NFASC: variants seen among roughly 807,000 people sequenced by gnomAD.
NFASC encodes neurofascin homolog.
NFASC carries 43 observed loss-of-function variants against 147.5 expected under a neutral mutation model. The observed-to-expected ratio is 0.29, with a 90% CI of 0.23 to 0.38. The LOEUF is 0.38. Among genes scored for constraint, NFASC ranks in the 10% least tolerant of loss-of-function variants. NFASC has a pLI of 1.00. For synonymous variants in NFASC, 622 were observed against 665.5 expected (o/e 0.93, Z 1.01); for missense variants, 1,320 against 1,689.0 (o/e 0.78, Z 3.83).
At chr1:204,946,687 G>A (rs772559154) in intron 3 of NFASC, 19 of 517,650 alleles carry the variant, frequency 3.7e-5, no homozygotes, top group South Asian at 1.8e-4. Context: ...CATGTACGGC[G>A]AGGGCATTGG....
chr1:204,859,841 G>A (rs1288160410), intron 1 of NFASC, among the ~76,000 whole-genome samples: 1 of 152,154 alleles, frequency 6.6e-6, no homozygotes, highest in Non-Finnish European at 1.5e-5. Context: ...AAATCCTCAT[G>A]CACAAAGATT....
In NFASC at chr1:205,019,782, T is replaced by G. The variant is rs983623498; in HGVS notation, c.*3243T>G. ...CACGGTGTGGCTTGAGAAACAGTCC[T>G]GCTTCCTGAGCCTCTTTGCTCTGCC... On this transcript the variant is annotated 3_prime_UTR_variant, in exon 30 of 30. Transcript: ENST00000339876. 4 of 152,392 alleles carry G rather than the reference T, an allele frequency of 2.6e-5. No individual in the cohort carries two copies. In the South Asian group the frequency reaches 8.3e-4, roughly 32 times the overall value. The allele number at this position is 152,392 out of a possible 1,614,324, so 9.4% of individuals were successfully genotyped here.
At chr1:204,919,153 T>C (rs768403882) in intron 1 of NFASC, among the ~76,000 whole-genome samples, 4 of 151,902 alleles carry the variant, frequency 2.6e-5, no homozygotes, top group Non-Finnish European at 5.9e-5. Context: ...GCCTCCCAAG[T>C]AGCTGGGATT....
In NFASC at chr1:204,954,999, G is replaced by A. The variant is rs1446446554; in HGVS notation, c.535+48G>A. 1.9e-6 allele frequency: 3 copies of A among 1,600,748 alleles called. No homozygotes were observed. The highest frequency in any genetic ancestry group is 2.2e-5 in the South Asian group (2 of 90,496). On this transcript the variant is annotated intron_variant, in intron 7 of 29. Transcript: ENST00000339876. This position sits in a 1 kb window ranked among gnomAD's most constrained non-coding sequence, Gnocchi z 5.7. ...TGTGTTTATATCTTAACCTTAGGGG[G>A]TGGGGTGGGTGTGTTAAGTGGGGAG...
intron 3 of NFASC, among the ~76,000 whole-genome samples, chr1:204,947,532 G>A (rs1018877715): frequency 2.0e-5 from 3 of 152,188 alleles, no homozygotes; most frequent in Non-Finnish European, 2.9e-5. Context: ...GCCCCAGACC[G>A]CTGCACAATC....
At chr1:204,892,962 G>T (rs1021304885) in intron 1 of NFASC, among the ~76,000 whole-genome samples, 21 of 152,184 alleles carry the variant, frequency 1.4e-4, no homozygotes, top group African/African-American at 5.1e-4. Flanking sequence ...CATGTGTCTT[G>T]CAGAAACTCA....
chr1:204,991,352 C>T (rs1202401738), intron 24 of NFASC, 46 bp downstream of exon 24: 2 of 1,601,070 alleles, frequency 1.2e-6, no homozygotes, highest in South Asian at 2.2e-5. Context: ...TGGGGCAGCG[C>T]AGGCGGAGCC....
chr1:204,873,905 A>G (rs1264025179), intron 1 of NFASC, among the ~76,000 whole-genome samples: 1 of 152,128 alleles, frequency 6.6e-6, no homozygotes, highest in Non-Finnish European at 1.5e-5. Context: ...GGAGCAGGGC[A>G]GCTAACACCC....
At chr1:205,012,530 G>A (rs2096271932) in intron 28 of NFASC, among the ~76,000 whole-genome samples, 1 of 152,216 alleles carries the variant, frequency 6.6e-6, no homozygotes, top group Non-Finnish European at 1.5e-5. Flanking sequence ...TGGAGATGTG[G>A]TGGGGGGAGC....
intron 1 of NFASC, among the ~76,000 whole-genome samples, chr1:204,902,020 A>T (rs1181051738): frequency 1.3e-5 from 2 of 151,104 alleles, no homozygotes; most frequent in African/African-American, 2.4e-5. Flanking sequence ...CAGTTTCTCT[A>T]AAAAAAAAGA....
intron 11 of NFASC, among the ~76,000 whole-genome samples, 181 bp downstream of exon 11, chr1:204,970,928 CTT>C: frequency 6.6e-6 from 1 of 152,334 alleles, no homozygotes. Context: ...CCTACCCTCT[CTT>C]TGTGTGAGAG....
intron 1 of NFASC, among the ~76,000 whole-genome samples, chr1:204,866,067 A>C (rs949744427): frequency 1.3e-5 from 2 of 152,236 alleles, no homozygotes; most frequent in Non-Finnish European, 2.9e-5. Context: ...AGGGGCAGCC[A>C]AAGTGCAGTC....
At chr1:204,850,707 T>C (rs2075604057) in intron 1 of NFASC, among the ~76,000 whole-genome samples, 1 of 152,236 alleles carries the variant, frequency 6.6e-6, no homozygotes, top group Non-Finnish European at 1.5e-5. Flanking sequence ...GCCATGACTG[T>C]AAGTTTCCTG....
At chr1:204,877,353 C>T (rs1044827908) in intron 1 of NFASC, among the ~76,000 whole-genome samples, 3 of 151,910 alleles carry the variant, frequency 2.0e-5, no homozygotes, top group Non-Finnish European at 4.4e-5. Context: ...GTCTGTGAAA[C>T]GGCCAGAACC....
intron 1 of NFASC, among the ~76,000 whole-genome samples, chr1:204,833,450 T>TTCCCCCCCCCCCCCCCCC (rs1672812030): frequency 1.2e-5 from 1 of 80,618 alleles, no homozygotes; most frequent in Non-Finnish European, 2.6e-5. Flanking sequence ...GAGCCCCACC[T>TTCCCCCCCCCCCCCCCCC]CCCACCCCCT....
intron 1 of NFASC, among the ~76,000 whole-genome samples, chr1:204,895,641 A>G (rs994359302): frequency 1.3e-5 from 2 of 152,252 alleles, no homozygotes; most frequent in African/African-American, 4.8e-5. Flanking sequence ...TGCATTGCCT[A>G]TAAACTGGAA....
chr1:204,985,135 C>G (rs1375292178), intron 21 of NFASC, among the ~76,000 whole-genome samples: 1 of 152,200 alleles, frequency 6.6e-6, no homozygotes, highest in Non-Finnish European at 1.5e-5. Context: ...AGTCTGGACC[C>G]CTTCCTACCT....
chr1:204,950,290 C>A (rs987553453), intron 3 of NFASC, among the ~76,000 whole-genome samples: 4 of 152,224 alleles, frequency 2.6e-5, no homozygotes, highest in African/African-American at 9.6e-5. Flanking sequence ...TGATCAGAGC[C>A]AGTCTTTCTG....
rs769719407 is a variant in NFASC, at chr1:204,997,335, C to A, written c.2948C>A (p.Thr983Asn). The part of the protein sequence containing the change: ...TTTTVATTTT[T>N]TAAATTTTES... Reference sequence around the variant, plus strand: ...ACCACCGTCGCCACAACTACTACAACCACTGCTGCCGCCACCACCACCACG... The same window carrying A: ...ACCACCGTCGCCACAACTACTACAAACACTGCTGCCGCCACCACCACCACG... Residue 983 changes from threonine (T) to asparagine (N), a missense_variant, in exon 25 of 30, where the codon ACC becomes AAC. This residue lies in a region of NFASC where 172 missense variants were observed against 165.8 expected (regional missense o/e 1.04). Transcript: ENST00000339876. 3.8e-6 allele frequency: 6 copies of A among 1,566,214 alleles called. No homozygotes were observed. Among genetic ancestry groups the A allele is most frequent in the Non-Finnish European group, 8.7e-7 (1 of 1,155,318 alleles).
Sources: allele counts gnomAD v4.1 joint callset (sites outside exome capture counted in the v4.1 genomes callset), GRCh38; gene constraint gnomAD v4.1.1; regional missense constraint gnomAD v4.1.1; non-coding constraint Gnocchi (gnomAD v3.1); transcripts MANE v1.5; gene names NCBI Gene and HGNC (gene_info 2026-07-23, HGNC 2026-07-21).